Variants in RBMS3 observed in about 807,000 individuals in gnomAD.
The protein encoded by RBMS3 is RNA binding motif single stranded interacting protein 3.
In RBMS3, 27 loss-of-function variants were observed where a neutral mutation model predicts 66.8. That is an observed-to-expected ratio of 0.40 (90% CI 0.30 to 0.56). RBMS3 has a LOEUF of 0.56. RBMS3 is among the 20% of genes least tolerant of loss of function. The probability of loss-of-function intolerance (pLI) is 0.40; values close to 1 mark genes in which losing one functional copy is unlikely to be tolerated. For synonymous variants in RBMS3, 188 were observed against 183.0 expected (o/e 1.03, Z -0.22); for missense variants, 513 against 549.5 (o/e 0.93, Z 0.66).
At chr3:29,346,699 T>C (rs947154337) in intron 1 of RBMS3, among the ~76,000 whole-genome samples, 8 of 152,140 alleles carry the variant, frequency 5.3e-5, no homozygotes, top group African/African-American at 1.9e-4. Context: ...GGCCAGCAAT[T>C]CATTCTTATA....
chr3:29,747,394 A>AGG lies in RBMS3; in HGVS notation c.557+7517_557+7518insGG, dbSNP rs1559631009. On this transcript the variant is annotated intron_variant, in intron 5 of 14. Transcript: ENST00000383767. ...TCTATCTAGGTAGGTAGGTAGGTAG[A>AGG]TAGATAGATAGATAGATAGATAGAT... is the stretch of plus-strand genomic sequence containing the variant. Among the ~76,000 whole-genome samples, 32 of 9,778 alleles carry AGG rather than the reference A, an allele frequency of 3.3e-3. 1 individual carries two copies. The highest frequency in any genetic ancestry group is 8.0e-3 in the African/African-American group (28 of 3,498). The allele number at this position is 9,778 out of a possible 152,430, so 6.4% of individuals were successfully genotyped here.
intron 3 of RBMS3, among the ~76,000 whole-genome samples, chr3:29,581,467 C>A (rs531365220): frequency 1.3e-5 from 2 of 152,282 alleles, no homozygotes; most frequent in South Asian, 2.1e-4. Flanking sequence ...TCTCTCCCTG[C>A]AACTCAGTCA....
intron 11 of RBMS3, 57 bp from the exon 12 acceptor site, chr3:29,944,150 T>G: frequency 6.8e-7 from 1 of 1,473,114 alleles, no homozygotes; most frequent in Admixed American, 1.7e-5. Context: ...GGGCTGATTC[T>G]ATTTTATTTT....
In RBMS3 at chr3:29,725,263, G is replaced by A. The variant is rs182577154; in HGVS notation, c.400-14457G>A. On this transcript the variant is annotated intron_variant, in intron 4 of 14. Transcript: ENST00000383767. ...AAGTAAAATTATTTAACTCATTGTC[G>A]AGTCACATTAAACGTAAGACTTATT... 2.7e-3 allele frequency among the ~76,000 whole-genome samples: 410 copies of A among 152,220 alleles called. 4 individuals are homozygous for A. The highest frequency in any genetic ancestry group is 8.9e-3 in the African/African-American group (371 of 41,516).
At chr3:29,473,489 C>T (rs183199659) in intron 2 of RBMS3, among the ~76,000 whole-genome samples, 9 of 152,346 alleles carry the variant, frequency 5.9e-5, no homozygotes, top group African/African-American at 9.6e-5. Context: ...CCTGCCAGTC[C>T]CGCGCCGTGC....
At chr3:29,859,138 A>G (rs2059150233) in intron 6 of RBMS3, among the ~76,000 whole-genome samples, 1 of 152,154 alleles carries the variant, frequency 6.6e-6, no homozygotes, top group African/African-American at 2.4e-5. Flanking sequence ...TTTTTGGCCT[A>G]AAGGATAGGC....
chr3:29,746,613 T>A (rs1477071282), intron 5 of RBMS3, among the ~76,000 whole-genome samples: 1 of 152,192 alleles, frequency 6.6e-6, no homozygotes, highest in Non-Finnish European at 1.5e-5. Context: ...TCCTTGCCTC[T>A]TTGTCTTTCT....
At chr3:29,795,171 G>T (rs74788904) in intron 6 of RBMS3, among the ~76,000 whole-genome samples, 3,733 of 152,260 alleles carry the variant, frequency 0.025, 74 homozygotes, top group East Asian at 0.13. Flanking sequence ...AAACTGCACG[G>T]CTGGTACCTT....
At chr3:29,513,280 C>T (rs1419155069) in intron 3 of RBMS3, among the ~76,000 whole-genome samples, 1 of 152,104 alleles carries the variant, frequency 6.6e-6, no homozygotes, top group Non-Finnish European at 1.5e-5. Flanking sequence ...GAAAACCTTT[C>T]AGGGAACAGA....
intron 2 of RBMS3, among the ~76,000 whole-genome samples, chr3:29,485,354 AGAC>A (rs2043282712): frequency 2.6e-5 from 4 of 151,494 alleles, no homozygotes; most frequent in African/African-American, 7.3e-5. Flanking sequence ...TAGTTACTGT[AGAC>A]TAGCTACTCT....
At chr3:29,304,875 G>A (rs1030256175) in intron 1 of RBMS3, among the ~76,000 whole-genome samples, 1 of 151,878 alleles carries the variant, frequency 6.6e-6, no homozygotes, top group Non-Finnish European at 1.5e-5. Context: ...CAAATTCTCA[G>A]ATATGGCTCT....
chr3:29,496,186 C>T lies in RBMS3; in HGVS notation c.307+7687C>T, dbSNP rs141272735. Among the ~76,000 whole-genome samples the T allele has an allele frequency of 3.9e-3, 512 of 130,854 alleles. 1 individual carries two copies. The highest frequency in any genetic ancestry group is 0.02 in the East Asian group (88 of 4,432). The allele number at this position is 130,854 out of a possible 152,430, so 85.8% of individuals were successfully genotyped here. ...TCATATAATGGGATTAGGTATACCC[C>T]GCCCACATCAAAAAAAAAAAAAAAA... On this transcript the variant is annotated intron_variant, in intron 3 of 14. Coordinates refer to ENST00000383767, the MANE Select transcript of RBMS3 (RefSeq NM_001003793.3).
At chr3:29,557,263 A>G (rs1461180513) in intron 3 of RBMS3, among the ~76,000 whole-genome samples, 3 of 152,238 alleles carry the variant, frequency 2.0e-5, no homozygotes, top group African/African-American at 4.8e-5. Context: ...ACAAAACAGA[A>G]CATTCCCAAC....
chr3:29,558,880 G>T (rs1457456217), intron 3 of RBMS3, among the ~76,000 whole-genome samples: 1 of 152,086 alleles, frequency 6.6e-6, no homozygotes, highest in Non-Finnish European at 1.5e-5. Flanking sequence ...CCACTGATTT[G>T]CATTAACAAA....
chr3:29,990,936 G>C, intron 13 of RBMS3, 146 bp from the exon 14 acceptor site: 1 of 682,120 alleles, frequency 1.5e-6, no homozygotes, highest in Non-Finnish European at 2.5e-6. Flanking sequence ...TGTGCTCTCT[G>C]GGTTTCCTCT....
intron 6 of RBMS3, among the ~76,000 whole-genome samples, chr3:29,821,751 C>G (rs1396810888): frequency 6.6e-6 from 1 of 152,244 alleles, no homozygotes; most frequent in East Asian, 1.9e-4. Context: ...AGGCTAACAA[C>G]CAAGTCTCAT....
At chr3:29,768,255 G>A (rs768123146) in intron 6 of RBMS3, among the ~76,000 whole-genome samples, 1 of 151,834 alleles carries the variant, frequency 6.6e-6, no homozygotes, top group South Asian at 2.1e-4. Flanking sequence ...CAACATCATG[G>A]TCAATGGAGT....
At chr3:29,334,380 G>A (rs988849380) in intron 1 of RBMS3, among the ~76,000 whole-genome samples, 3 of 152,026 alleles carry the variant, frequency 2.0e-5, no homozygotes, top group African/African-American at 7.2e-5. Flanking sequence ...TTGATCAAGT[G>A]TTTTCTTAAT....
At chr3:29,604,124 C>T (rs528893986) in intron 4 of RBMS3, among the ~76,000 whole-genome samples, 91 of 151,938 alleles carry the variant, frequency 6.0e-4, no homozygotes, top group Middle Eastern at 6.8e-3. Flanking sequence ...GGTTGAGAAA[C>T]GCTATTTTGG....
Sources: allele counts gnomAD v4.1 joint callset (sites outside exome capture counted in the v4.1 genomes callset), GRCh38; gene constraint gnomAD v4.1.1; transcripts MANE v1.5; gene names NCBI Gene and HGNC (gene_info 2026-07-23, HGNC 2026-07-21).